Variants in CCSER1 observed in about 807,000 individuals in gnomAD.
CCSER1 encodes coiled-coil serine rich protein 1, also known as serine-rich coiled-coil domain-containing protein 1.
Under a neutral mutation model 82.0 loss-of-function variants are expected in CCSER1, and 41 were observed. That is an observed-to-expected ratio of 0.50 (90% confidence interval 0.39 to 0.65). CCSER1 has a LOEUF of 0.65. Among genes scored for constraint, CCSER1 ranks in the 30% least tolerant of loss-of-function variants. The pLI is 0.00. For missense variants in CCSER1, 1,119 were observed against 1,064.2 expected (o/e 1.05, Z -0.72); for synonymous variants, 414 against 383.9 (o/e 1.08, Z -0.92).
chr4:90,367,161 A>G (rs1025890139), intron 3 of CCSER1, among the ~76,000 whole-genome samples: 2 of 151,846 alleles, frequency 1.3e-5, no homozygotes, highest in Non-Finnish European at 1.5e-5. Context: ...AAGAGACGGT[A>G]ACAAAGAGTG....
At chr4:91,322,719 G>A (rs1746281049) in intron 10 of CCSER1, among the ~76,000 whole-genome samples, 2 of 152,096 alleles carry the variant, frequency 1.3e-5, no homozygotes, top group Admixed American at 6.6e-5. Context: ...TTCAGTGCAT[G>A]ACTTTGCTTC....
chr4:90,492,053 CCT>C (rs1157222614), intron 5 of CCSER1, among the ~76,000 whole-genome samples: 1 of 152,028 alleles, frequency 6.6e-6, no homozygotes, highest in Non-Finnish European at 1.5e-5. Flanking sequence ...GGGAGGATTC[CCT>C]CTTTTTCTAG....
At chr4:90,266,661 G>A (rs116096973) in intron 1 of CCSER1, among the ~76,000 whole-genome samples, 1 of 152,096 alleles carries the variant, frequency 6.6e-6, no homozygotes, top group Non-Finnish European at 1.5e-5. Context: ...CTGTGCTTCT[G>A]GGGGAGGGAG....
chr4:91,445,367 A>C (rs1357314804), intron 10 of CCSER1, among the ~76,000 whole-genome samples: 1 of 151,146 alleles, frequency 6.6e-6, no homozygotes, highest in Non-Finnish European at 1.5e-5. Context: ...TATTTGGCCA[A>C]CTATAGTAAG....
intron 10 of CCSER1, among the ~76,000 whole-genome samples, chr4:91,547,315 A>G (rs186795068): frequency 6.6e-6 from 1 of 152,286 alleles, no homozygotes; most frequent in East Asian, 1.9e-4. Flanking sequence ...ATCAGCTATG[A>G]TAATGGATTC....
intron 5 of CCSER1, among the ~76,000 whole-genome samples, chr4:90,487,047 G>C (rs1264298859): frequency 6.6e-6 from 1 of 152,108 alleles, no homozygotes; most frequent in Non-Finnish European, 1.5e-5. Context: ...GAGTAGCTGG[G>C]ATTACAGGGG....
At chr4:90,639,605 T>C (rs1726109790) in intron 6 of CCSER1, among the ~76,000 whole-genome samples, 1 of 152,060 alleles carries the variant, frequency 6.6e-6, no homozygotes, top group East Asian at 1.9e-4. Context: ...TAGTACCTGC[T>C]TGTGAACTGG....
chr4:90,878,738 T>G (rs1473028142), intron 8 of CCSER1, among the ~76,000 whole-genome samples: 2 of 152,224 alleles, frequency 1.3e-5, no homozygotes, highest in Non-Finnish European at 2.9e-5. Flanking sequence ...GGATGTTCTG[T>G]GTCTGAATCT....
chr4:91,477,550 G>T (rs1402634666), intron 10 of CCSER1, among the ~76,000 whole-genome samples: 4 of 151,442 alleles, frequency 2.6e-5, no homozygotes, highest in Non-Finnish European at 5.9e-5. Context: ...TGTCCTATAG[G>T]TTTAATAACA....
intron 10 of CCSER1, among the ~76,000 whole-genome samples, chr4:91,422,880 T>C (rs1373005826): frequency 6.6e-6 from 1 of 152,156 alleles, no homozygotes; most frequent in Non-Finnish European, 1.5e-5. Flanking sequence ...AAATAATTTA[T>C]ATAGGACTGA....
At chr4:91,238,434 T>G (rs1343974841) in intron 10 of CCSER1, among the ~76,000 whole-genome samples, 2 of 152,190 alleles carry the variant, frequency 1.3e-5, no homozygotes, top group Non-Finnish European at 2.9e-5. Flanking sequence ...ATTTCAGCTG[T>G]GTGAAAACCT....
intron 1 of CCSER1, among the ~76,000 whole-genome samples, chr4:90,144,607 T>C (rs1045756308): frequency 6.6e-5 from 10 of 152,170 alleles, no homozygotes; most frequent in African/African-American, 2.4e-4. Context: ...TTAAAACATA[T>C]CTAGTCATCA....
At chr4:90,951,748 A>G (rs923459010) in intron 9 of CCSER1, among the ~76,000 whole-genome samples, 1 of 152,114 alleles carries the variant, frequency 6.6e-6, no homozygotes, top group African/African-American at 2.4e-5. Context: ...CAGTGAGCAT[A>G]GGTAATTGTG....
chr4:91,523,942 G>A (rs917920696), intron 10 of CCSER1, among the ~76,000 whole-genome samples: 1 of 151,816 alleles, frequency 6.6e-6, no homozygotes, highest in Non-Finnish European at 1.5e-5. Context: ...TGTTTTCCAT[G>A]TTAGAATGAC....
intron 8 of CCSER1, among the ~76,000 whole-genome samples, chr4:90,916,448 A>G (rs1315362784): frequency 6.6e-6 from 1 of 152,118 alleles, no homozygotes; most frequent in Non-Finnish European, 1.5e-5. Context: ...TGCTGGGAAA[A>G]CTGGCTCGCC....
intron 8 of CCSER1, among the ~76,000 whole-genome samples, chr4:90,922,919 G>T (rs545966654): frequency 6.6e-6 from 1 of 152,270 alleles, no homozygotes; most frequent in Non-Finnish European, 1.5e-5. Context: ...TAAATGTGTA[G>T]AGGTTTTTGG....
At position 90,724,757 on chromosome 4, in the gene CCSER1, G is replaced by A. The variant is rs111381651; in HGVS notation, c.2010+766G>A. On this transcript the variant is annotated intron_variant, in intron 7 of 10. Coordinates refer to ENST00000509176, the MANE Select transcript of CCSER1 (RefSeq NM_001145065.2). ...TTTCAGTATAGTTTGGTTTAAAGAC[G>A]TGCACATTTTAAGATTATCACTTTT... 1,066 of 295,008 alleles carry A rather than the reference G, an allele frequency of 3.6e-3. 14 individuals carry two copies. Among genetic ancestry groups the A allele is most frequent in the African/African-American group, 0.022 (974 of 45,018 alleles). The allele number at this position is 295,008 out of a possible 1,614,324, so 18.3% of individuals were successfully genotyped here. A position where few individuals can be genotyped will look rare whatever the true frequency, so the allele number is the denominator to read the frequency against.
At chr4:90,830,714 T>A (rs1332136285) in intron 8 of CCSER1, among the ~76,000 whole-genome samples, 46 of 152,274 alleles carry the variant, frequency 3.0e-4, no homozygotes, top group Non-Finnish European at 1.3e-4. Flanking sequence ...CTTGAATCAG[T>A]AAAGTCCCCA....
At chr4:91,192,686 A>T (rs111434518) in intron 10 of CCSER1, among the ~76,000 whole-genome samples, 2,742 of 152,206 alleles carry the variant, frequency 0.018, 63 homozygotes, top group African/African-American at 0.054. Context: ...CTGTTGACAA[A>T]GATTCTGTCT....
Sources: gnomAD v4.1 joint callset for allele counts (sites outside exome capture counted in the v4.1 genomes callset) on GRCh38, gnomAD v4.1.1 for gene constraint, MANE v1.5 for transcripts, NCBI Gene and HGNC (gene_info 2026-07-23, HGNC 2026-07-21) for gene names.